Variants in RB1 observed in about 807,000 individuals in gnomAD.
The protein encoded by RB1 is retinoblastoma-associated protein.
In RB1, 18 loss-of-function variants were observed where a neutral mutation model predicts 135.4. The observed-to-expected ratio is 0.13, with a 90% CI of 0.09 to 0.20. The LOEUF (loss-of-function observed/expected upper bound fraction) is 0.20. Among genes scored for constraint, RB1 ranks in the 10% least tolerant of loss-of-function variants. The pLI, the probability that RB1 is intolerant of heterozygous loss-of-function variation, is 1.00. For missense variants in RB1, 868 were observed against 1,110.0 expected, an observed-to-expected ratio of 0.78 and a Z score of 3.10; for synonymous variants, 365 against 373.2, an observed-to-expected ratio of 0.98 and a Z score of 0.25.
intron 17 of RB1, among the ~76,000 whole-genome samples, chr13:48,448,194 TC>T (rs1396246309): frequency 6.6e-6 from 1 of 152,214 alleles, no homozygotes; most frequent in Non-Finnish European, 1.5e-5. Flanking sequence ...GGAATGAATT[TC>T]CTAAGTGTTA....
intron 11 of RB1, among the ~76,000 whole-genome samples, chr13:48,369,747 A>G (rs1192480843): frequency 6.6e-6 from 1 of 151,818 alleles, no homozygotes; most frequent in Non-Finnish European, 1.5e-5. Flanking sequence ...ACCAACTGCT[A>G]CTCTTCATTC....
intron 2 of RB1, among the ~76,000 whole-genome samples, chr13:48,335,414 TATGAAATGCCCTGATGC>T (rs1358559464): frequency 1.3e-5 from 2 of 152,132 alleles, no homozygotes; most frequent in African/African-American, 4.8e-5. Flanking sequence ...TTATGGGACA[TATGAAATGCCCTGATGC>T]AAGCATGCAG....
rs780829988 is a variant in RB1 at position 48,307,382 on chromosome 13, A to G, written c.240A>G (p.Lys80=). The G allele has an allele frequency of 8.1e-6, 13 of 1,613,472 alleles. No individual in the cohort carries two copies. In the South Asian group the frequency reaches 1.4e-4, roughly 18 times the overall value. Residue 80 remains lysine (K), a synonymous_variant, in exon 2 of 27, where the codon AAA becomes AAG. Coordinates refer to ENST00000267163, the MANE Select transcript of RB1 (RefSeq NM_000321.3). ...AGAGAGCTTGGTTAACTTGGGAGAA[A>G]GTTTCATCTGTGGATGGAGTATTGG... The part of the protein sequence containing the change: ...VRERAWLTWE[K]VSSVDGVLGG...
chr13:48,463,118 G>A (rs951090073), intron 20 of RB1, among the ~76,000 whole-genome samples: 4 of 152,190 alleles, frequency 2.6e-5, no homozygotes, highest in African/African-American at 9.6e-5. Flanking sequence ...ACATTTTAAA[G>A]TCACAGGGAA....
Position 48,307,317 on chromosome 13 carries a change from G to C in RB1, c.175G>C (p.Ala59Pro), listed in dbSNP as rs184754468. 10 of 1,609,810 alleles carry C rather than the reference G, an allele frequency of 6.2e-6. No individual in the cohort carries two copies. In the Admixed American group the frequency reaches 6.7e-5, roughly 11 times the overall value. ...FEETEEPDFT[A>P]LCQKLKIPDH... ...AGAAACAGAAGAACCTGATTTTACT[G>C]CATTATGTCAGAAATTAAAGATACC... Residue 59 changes from alanine to proline, a missense_variant, in exon 2 of 27, where the codon GCA becomes CCA. Physicochemically the swap from Ala to Pro is conservative, Grantham distance 27. Coordinates refer to ENST00000267163, the MANE Select transcript of RB1 (RefSeq NM_000321.3).
chr13:48,349,114 G>A, intron 6 of RB1, 91 bp downstream of exon 6: 2 of 1,324,780 alleles, frequency 1.5e-6, no homozygotes, highest in Non-Finnish European at 2.1e-6. Flanking sequence ...TTTTTATTGA[G>A]TAATGTACTC....
intron 2 of RB1, among the ~76,000 whole-genome samples, chr13:48,342,097 T>C (rs929821760): frequency 6.6e-6 from 1 of 151,994 alleles, no homozygotes; most frequent in Non-Finnish European, 1.5e-5. Context: ...CATATTCTTA[T>C]TTTGATTTTA....
chr13:48,336,567 CT>C (rs1446309229), intron 2 of RB1, among the ~76,000 whole-genome samples: 1 of 151,764 alleles, frequency 6.6e-6, no homozygotes, highest in Non-Finnish European at 1.5e-5. Context: ...CTATTTGATT[CT>C]TCTCTCTTTT....
intron 18 of RB1, among the ~76,000 whole-genome samples, chr13:48,453,379 G>A (rs190711576): frequency 6.6e-5 from 10 of 152,152 alleles, no homozygotes; most frequent in Non-Finnish European, 1.5e-4. Context: ...ATTTCAATGT[G>A]GAAACTGGAG....
chr13:48,309,100 C>G (rs1461378397), intron 2 of RB1, among the ~76,000 whole-genome samples: 1 of 152,070 alleles, frequency 6.6e-6, no homozygotes, highest in African/African-American at 2.4e-5. Context: ...ATGCCTGGCA[C>G]AAAGTGAGTC....
intron 17 of RB1, among the ~76,000 whole-genome samples, chr13:48,382,405 T>C (rs1323005167): frequency 1.3e-5 from 2 of 152,210 alleles, no homozygotes; most frequent in Non-Finnish European, 2.9e-5. Context: ...TGGTGTGAGA[T>C]GGTATTTCAT....
chr13:48,441,621 T>C (rs921135170), intron 17 of RB1, among the ~76,000 whole-genome samples: 3 of 152,152 alleles, frequency 2.0e-5, no homozygotes, highest in African/African-American at 4.8e-5. Flanking sequence ...TTTTTAATAG[T>C]GTTGTTTAAT....
At chr13:48,375,235 C>G (rs1952808702) in intron 12 of RB1, among the ~76,000 whole-genome samples, 1 of 152,086 alleles carries the variant, frequency 6.6e-6, no homozygotes, top group Admixed American at 6.6e-5. Flanking sequence ...TTTAATGAAG[C>G]TTAAAAGCTT....
rs750305249 is a variant in RB1, at chr13:48,453,052, C to G, written c.1755C>G (p.His585Gln). 1 of 1,613,262 alleles carries G rather than the reference C, an allele frequency of 6.2e-7. No homozygotes were observed. Among genetic ancestry groups the G allele is most frequent in the Non-Finnish European group, 8.5e-7 (1 of 1,179,682 alleles). Residue 585 changes from histidine to glutamine, a missense_variant, in exon 18 of 27, where the codon CAC (histidine) becomes CAG (glutamine). Transcript: ENST00000267163. ...AGGACCGAGAAGGACCAACTGATCA[C>G]CTTGAATCTGCTTGTCCTCTTAATC... ...QSKDREGPTD[H>Q]LESACPLNLP... is the part of the protein sequence containing the mutation.
chr13:48,320,270 C>T, intron 2 of RB1: 1 of 1,185,958 alleles, frequency 8.4e-7, no homozygotes, highest in East Asian at 2.4e-5. Context: ...CCCCTCTGTG[C>T]AGCGCGCTCA....
chr13:48,367,535 A>C lies in RB1; in HGVS notation c.981A>C (p.Lys327Asn). ...LSKRYEEIYL[K>N]NKDLDARLFL... ...AACGATACGAAGAAATTTATCTTAA[A>C]AATAAAGATCTAGATGCAAGATTAT... The change falls in exon 10 of 27, where the codon AAA (lysine) becomes AAC (asparagine). Residue 327 changes from lysine to asparagine, a missense_variant. Lys to Asn is a moderately conservative substitution (Grantham distance 94, BLOSUM62 0). Coordinates refer to ENST00000267163, the MANE Select transcript of RB1 (RefSeq NM_000321.3). The C allele has an allele frequency of 6.2e-7, 1 of 1,604,842 alleles. No homozygotes were observed. The highest frequency in any genetic ancestry group is 8.5e-7 in the Non-Finnish European group (1 of 1,174,508).
At chr13:48,447,747 C>T (rs1452351027) in intron 17 of RB1, among the ~76,000 whole-genome samples, 1 of 152,060 alleles carries the variant, frequency 6.6e-6, no homozygotes, top group Non-Finnish European at 1.5e-5. Context: ...CTATAGTTTT[C>T]CCGTGATCAT....
At chr13:48,479,698 G>T in intron 26 of RB1, among the ~76,000 whole-genome samples, 1 of 151,744 alleles carries the variant, frequency 6.6e-6, no homozygotes, top group Admixed American at 6.6e-5. Context: ...ATATTTTAGG[G>T]GTACATGTGA....
intron 17 of RB1, among the ~76,000 whole-genome samples, chr13:48,436,536 G>A (rs569358742): frequency 2.0e-5 from 3 of 151,944 alleles, no homozygotes; most frequent in South Asian, 2.1e-4. Flanking sequence ...CCAGCTACTC[G>A]GGAGGCTGAG....
Sources: gnomAD v4.1 joint callset for allele counts (sites outside exome capture counted in the v4.1 genomes callset) on GRCh38, gnomAD v4.1.1 for gene constraint, MANE v1.5 for transcripts, NCBI Gene and HGNC (gene_info 2026-07-23, HGNC 2026-07-21) for gene names.